Variants in KIAA1217 observed in about 807,000 individuals in gnomAD.
KIAA1217 encodes KIAA1217.
A neutral mutation model predicts 163.9 loss-of-function variants in KIAA1217; 88 were observed. The observed-to-expected ratio is 0.54, with a 90% CI of 0.45 to 0.64. The LOEUF (loss-of-function observed/expected upper bound fraction) is 0.64. Ranked by LOEUF, KIAA1217 falls within the 30% of genes least tolerant of loss-of-function variation. The pLI is 0.00. For synonymous variants in KIAA1217, 903 were observed against 923.1 expected, an observed-to-expected ratio of 0.98 and a Z score of 0.39; for missense variants, 2,372 against 2,475.0, an observed-to-expected ratio of 0.96 and a Z score of 0.88.
At chr10:23,736,686 C>G (rs1838824475) in intron 1 of KIAA1217, among the ~76,000 whole-genome samples, 1 of 152,032 alleles carries the variant, frequency 6.6e-6, no homozygotes, top group Admixed American at 6.6e-5. Context: ...CCATGCCTGG[C>G]TAATTTAAAA....
chr10:24,178,261 T>G (rs2066002213), intron 2 of KIAA1217, among the ~76,000 whole-genome samples: 1 of 152,254 alleles, frequency 6.6e-6, no homozygotes, highest in Non-Finnish European at 1.5e-5. Context: ...TTGATGGAAT[T>G]TAATAATGCT....
chr10:24,077,784 T>C (rs2061414881), intron 2 of KIAA1217, among the ~76,000 whole-genome samples: 1 of 152,238 alleles, frequency 6.6e-6, no homozygotes, highest in Admixed American at 6.5e-5. Context: ...GTTCAGCTAA[T>C]TGATAATTGA....
Position 24,546,149 on chromosome 10 carries a change from G to A in KIAA1217, c.5657G>A (p.Arg1886Gln), listed in dbSNP as rs751994187. 26 of 1,613,852 alleles carry A rather than the reference G, an allele frequency of 1.6e-5. No individual in the cohort carries two copies. Among genetic ancestry groups the A allele is most frequent in the South Asian group, 2.2e-5 (2 of 91,058 alleles). ...TTCTCACCGCAGAGTCAAAATGGCC[G>A]AGCACCCCCTCCTTTGTCATTTTCC... is the stretch of plus-strand genomic sequence containing the variant. ...LSFSPQSQNGRAPPPLSFSSS... is the reference protein window; with the variant it reads ...LSFSPQSQNGQAPPPLSFSSS... The change falls in exon 21 of 21, where the codon CGA becomes CAA. Residue 1886 changes from arginine (R) to glutamine (Q), a missense_variant. This residue lies in a region of KIAA1217 where 690 missense variants were observed against 677.5 expected (regional missense o/e 1.02). Coordinates refer to ENST00000376454, the MANE Select transcript of KIAA1217 (RefSeq NM_019590.5).
At chr10:23,823,515 T>C (rs1394388150) in intron 1 of KIAA1217, among the ~76,000 whole-genome samples, 2 of 152,256 alleles carry the variant, frequency 1.3e-5, no homozygotes, top group African/African-American at 4.8e-5. Flanking sequence ...CTCACCTAGG[T>C]AATCCAGGAT....
At chr10:23,915,180 C>G (rs1264806154) in intron 1 of KIAA1217, among the ~76,000 whole-genome samples, 1 of 152,024 alleles carries the variant, frequency 6.6e-6, no homozygotes, top group African/African-American at 2.4e-5. Context: ...TGAAATTGCT[C>G]AGAAACAGAA....
chr10:24,001,000 A>G (rs1846717026), intron 1 of KIAA1217, among the ~76,000 whole-genome samples: 1 of 152,188 alleles, frequency 6.6e-6, no homozygotes, highest in African/African-American at 2.4e-5. Context: ...TAGTACATTG[A>G]GGTTTGATTT....
chr10:24,068,908 A>G (rs142952429), intron 2 of KIAA1217, among the ~76,000 whole-genome samples: 2 of 152,334 alleles, frequency 1.3e-5, no homozygotes, highest in Non-Finnish European at 2.9e-5. Flanking sequence ...AGTTTCAACC[A>G]TCTCCTTTGT....
intron 5 of KIAA1217, among the ~76,000 whole-genome samples, chr10:24,455,837 T>C (rs903291235): frequency 1.8e-4 from 27 of 152,234 alleles, no homozygotes; most frequent in African/African-American, 6.5e-4. Context: ...ACATATAGCC[T>C]GATCTGGGTT....
chr10:24,487,986 A>G (rs1413646505), intron 6 of KIAA1217, among the ~76,000 whole-genome samples: 1 of 152,234 alleles, frequency 6.6e-6, no homozygotes. Context: ...TCAGGGTCCA[A>G]CCTGGGTAAG....
At chr10:24,144,479 A>G (rs1347234632) in intron 2 of KIAA1217, among the ~76,000 whole-genome samples, 2 of 152,262 alleles carry the variant, frequency 1.3e-5, no homozygotes, top group African/African-American at 2.4e-5. Flanking sequence ...GATTGCAAAG[A>G]CAAGAGGGGT....
chr10:23,772,347 T>C (rs542537846), intron 1 of KIAA1217, among the ~76,000 whole-genome samples: 2 of 152,288 alleles, frequency 1.3e-5, no homozygotes, highest in African/African-American at 4.8e-5. Context: ...TTCATGGTTA[T>C]TCTACTTTAA....
chr10:24,070,198 G>C (rs1306757022), intron 2 of KIAA1217, among the ~76,000 whole-genome samples: 1 of 151,856 alleles, frequency 6.6e-6, no homozygotes, highest in East Asian at 1.9e-4. Flanking sequence ...GTCCAACAGA[G>C]GTCTAACTAG....
chr10:24,194,015 C>T lies in KIAA1217; in HGVS notation c.-170-25611C>T, dbSNP rs185694518. On this transcript the variant is annotated intron_variant, in intron 2 of 18. Coordinates refer to the KIAA1217 transcript ENST00000376462. Reference sequence around the variant, plus strand: ...CAGCCTGGCCAACATGGCGAAACCCCATCTCTACTAAAAATACAAAACTTA... The same window carrying T: ...CAGCCTGGCCAACATGGCGAAACCCTATCTCTACTAAAAATACAAAACTTA... Among the ~76,000 whole-genome samples, 127 of 152,022 alleles carry T rather than the reference C, an allele frequency of 8.4e-4. 1 individual carries two copies. Among genetic ancestry groups the T allele is most frequent in the African/African-American group, 3.0e-3 (123 of 41,484 alleles).
At position 24,390,754 on chromosome 10, in the gene KIAA1217, A is replaced by T. The variant is rs77806991; in HGVS notation, c.553+9687A>T. 0.01 allele frequency among the ~76,000 whole-genome samples: 1,586 copies of T among 152,326 alleles called. 92 individuals are homozygous for T. In the East Asian group the frequency reaches 0.17, roughly 16 times the overall value. On this transcript the variant is annotated intron_variant, in intron 3 of 20. Transcript: ENST00000376454. The stretch of plus-strand genomic sequence containing the variant: ...AAACATTTCAGGCTAAGAATTAACC[A>T]TTGTAAGGAATATGTCAAAAATTTC...
chr10:23,931,398 C>G (rs1032862326), intron 1 of KIAA1217, among the ~76,000 whole-genome samples: 5 of 152,146 alleles, frequency 3.3e-5, no homozygotes, highest in African/African-American at 7.2e-5. Flanking sequence ...TGCCCTTCAC[C>G]CCTGTACCTA....
At chr10:23,767,219 G>T (rs552177067) in intron 1 of KIAA1217, among the ~76,000 whole-genome samples, 1 of 152,356 alleles carries the variant, frequency 6.6e-6, no homozygotes, top group Admixed American at 6.5e-5. Flanking sequence ...GATGGTGGGA[G>T]GAGGTGAGAC....
intron 2 of KIAA1217, among the ~76,000 whole-genome samples, chr10:24,326,909 T>C (rs1444135131): frequency 6.6e-6 from 1 of 152,232 alleles, no homozygotes; most frequent in African/African-American, 2.4e-5. Context: ...TGATGCTTAA[T>C]AATTTAAGCA....
At chr10:24,023,803 T>TATGACAACATGG (rs1847834844) in intron 2 of KIAA1217, among the ~76,000 whole-genome samples, 2 of 151,834 alleles carry the variant, frequency 1.3e-5, no homozygotes, top group African/African-American at 4.8e-5. Flanking sequence ...CACAAATACG[T>TATGACAACATGG]ATGACAACAT....
intron 5 of KIAA1217, among the ~76,000 whole-genome samples, chr10:24,438,729 A>C (rs1418946051): frequency 6.6e-6 from 1 of 152,222 alleles, no homozygotes; most frequent in Non-Finnish European, 1.5e-5. Context: ...TCCTTACTTT[A>C]AATGAATTCT....
Sources: gnomAD v4.1 joint callset for allele counts (sites outside exome capture counted in the v4.1 genomes callset) on GRCh38, gnomAD v4.1.1 for gene constraint, gnomAD v4.1.1 regional missense constraint, MANE v1.5 for transcripts, NCBI Gene and HGNC (gene_info 2026-07-23, HGNC 2026-07-21) for gene names.